Variants in CTCF observed in about 807,000 individuals in gnomAD.
The protein encoded by CTCF is transcriptional repressor CTCF.
Under a neutral mutation model 72.3 loss-of-function variants are expected in CTCF, and 7 were observed. That is an observed-to-expected ratio of 0.10 (90% CI 0.06 to 0.18). The LOEUF (loss-of-function observed/expected upper bound fraction) is 0.18, where lower values mean the gene tolerates loss of function less well. Among genes scored for constraint, CTCF ranks in the 10% least tolerant of loss-of-function variants. The pLI is 1.00. For missense variants in CTCF, 516 were observed against 949.1 expected (o/e 0.54, Z 6.00); for synonymous variants, 374 against 315.8 (o/e 1.18, Z -1.95).
chr16:67,609,616 T>G (rs1241104143), intron 2 of CTCF, among the ~76,000 whole-genome samples: 1 of 151,628 alleles, frequency 6.6e-6, no homozygotes, highest in Admixed American at 6.6e-5. Context: ...ATCTTGGGCC[T>G]GATAATTCTT....
chr16:67,604,457 C>T (rs2051942377), intron 2 of CTCF, among the ~76,000 whole-genome samples: 1 of 152,154 alleles, frequency 6.6e-6, no homozygotes, highest in African/African-American at 2.4e-5. Flanking sequence ...ATTCTCCTGC[C>T]TCAGCCTCCC....
chr16:67,573,646 CCTTA>C (rs2142721777), intron 2 of CTCF, among the ~76,000 whole-genome samples: 1 of 152,210 alleles, frequency 6.6e-6, no homozygotes, highest in South Asian at 2.1e-4. Flanking sequence ...CTATCCTGCT[CCTTA>C]CTTTGTCCTT....
chr16:67,630,219 A>G lies in CTCF; in HGVS notation c.1837+686A>G, dbSNP rs577408654. Among the ~76,000 whole-genome samples the G allele has an allele frequency of 2.0e-5, 3 of 152,304 alleles. No individual in the cohort carries two copies. The East Asian group carries it at 5.8e-4, about 29-fold the overall frequency. ...TACATTTAGGAAGCTGGTCTAGATA[A>G]GAGCAGTGAATCTAATGGACATGAA... On this transcript the variant is annotated intron_variant, in intron 10 of 11. Transcript: ENST00000264010.
chr16:67,601,111 T>G (rs1190605492), intron 2 of CTCF, among the ~76,000 whole-genome samples: 1 of 151,910 alleles, frequency 6.6e-6, no homozygotes, highest in African/African-American at 2.4e-5. Flanking sequence ...GTGGGGAGAA[T>G]GACCTGGTCC....
intron 1 of CTCF, chr16:67,563,287 G>A (rs971505971): frequency 1.3e-5 from 2 of 152,296 alleles, no homozygotes; most frequent in East Asian, 3.9e-4. Context: ...CCCGTCCCCG[G>A]AACCTACCCT....
At chr16:67,631,172 G>GTTTTTTTTTTTTTTTTTTTTT (rs367618037) in intron 10 of CTCF, among the ~76,000 whole-genome samples, 2 of 121,436 alleles carry the variant, frequency 1.6e-5, no homozygotes, top group African/African-American at 3.3e-5. Context: ...TTTGTTTTTT[G>GTTTTTTTTTTTTTTTTTTTTT]TTTTTTTTTT....
intron 2 of CTCF, among the ~76,000 whole-genome samples, chr16:67,588,940 C>T (rs2142759506): frequency 6.6e-6 from 1 of 152,204 alleles, no homozygotes; most frequent in South Asian, 2.1e-4. Context: ...ATCCACCCGC[C>T]TTGGCCTCCC....
intron 2 of CTCF, among the ~76,000 whole-genome samples, chr16:67,576,009 A>AT (rs1192088401): frequency 6.6e-6 from 1 of 150,758 alleles, no homozygotes. Flanking sequence ...AAAAAAAAAA[A>AT]ATGTAGCCAG....
intron 2 of CTCF, among the ~76,000 whole-genome samples, chr16:67,584,320 CAA>C (rs1403823144): frequency 1.9e-5 from 2 of 104,888 alleles, no homozygotes; most frequent in African/African-American, 3.7e-5. Flanking sequence ...AACTCCTTCT[CAA>C]AAAAAAAAAG....
Position 67,562,906 on chromosome 16 carries a change from G to GC in CTCF, c.-127+190dup, listed in dbSNP as rs1325505246. Among the ~76,000 whole-genome samples the GC allele has an allele frequency of 4.0e-4, 24 of 60,422 alleles. No homozygotes were observed. In the East Asian group the frequency reaches 4.9e-3, roughly 12 times the overall value. 39.6% of individuals were successfully genotyped at this position (60,422 alleles called of 152,430 possible). On this transcript the variant is annotated intron_variant, in intron 1 of 11. Coordinates refer to ENST00000264010, the MANE Select transcript of CTCF (RefSeq NM_006565.4). ...TGCCCGTCGCCGCCGTGGCCCGGCC[G>GC]CCCCCCCCACCCCCACGCCCGCCCG...
At chr16:67,626,292 A>C (rs2052286311) in intron 7 of CTCF, among the ~76,000 whole-genome samples, 1 of 151,670 alleles carries the variant, frequency 6.6e-6, no homozygotes, top group African/African-American at 2.4e-5. Context: ...ACAAAAATAA[A>C]AAATAAAAAA....
intron 2 of CTCF, among the ~76,000 whole-genome samples, chr16:67,603,395 T>TG (rs2142797166): frequency 6.7e-6 from 1 of 148,788 alleles, no homozygotes; most frequent in South Asian, 2.1e-4. Flanking sequence ...TAGCTGGGAG[T>TG]GCTGGTGGGT....
At chr16:67,595,221 C>G (rs941704026) in intron 2 of CTCF, among the ~76,000 whole-genome samples, 1 of 152,190 alleles carries the variant, frequency 6.6e-6, no homozygotes, top group Non-Finnish European at 1.5e-5. Context: ...CACCCTCCCC[C>G]ACCCTTCCTT....
intron 2 of CTCF, among the ~76,000 whole-genome samples, chr16:67,574,745 G>T (rs1363978949): frequency 7.4e-6 from 1 of 134,952 alleles, no homozygotes; most frequent in African/African-American, 2.8e-5. Flanking sequence ...TGCAAGCTCC[G>T]CATCCCAGGT....
chr16:67,634,356 C>T (rs1157708490), intron 10 of CTCF, among the ~76,000 whole-genome samples: 2 of 151,500 alleles, frequency 1.3e-5, no homozygotes, highest in South Asian at 2.1e-4. Flanking sequence ...TACAGGTGCC[C>T]GCCATCACAG....
Position 67,580,584 on chromosome 16 carries a change from G to A in CTCF, c.-10+9320G>A, listed in dbSNP as rs912192304. 4.6e-5 allele frequency among the ~76,000 whole-genome samples: 7 copies of A among 151,058 alleles called. No homozygotes were observed. In the East Asian group the frequency reaches 5.8e-4, roughly 13 times the overall value. On this transcript the variant is annotated intron_variant, in intron 2 of 11. Transcript: ENST00000264010. ...TTTATTTATTTATTATTTTTGAGACGAAGTCTCGCTCTTGTCCACCAGGCT... is the reference window on the plus strand; with the variant it reads ...TTTATTTATTTATTATTTTTGAGACAAAGTCTCGCTCTTGTCCACCAGGCT...
intron 2 of CTCF, among the ~76,000 whole-genome samples, chr16:67,610,342 T>C (rs927426993): frequency 4.0e-5 from 6 of 150,048 alleles, no homozygotes; most frequent in African/African-American, 9.9e-5. Flanking sequence ...TAGTGGTTTT[T>C]TCTTTTTCTT....
chr16:67,619,838 C>T (rs2052179428), intron 5 of CTCF, among the ~76,000 whole-genome samples: 1 of 152,172 alleles, frequency 6.6e-6, no homozygotes, highest in Non-Finnish European at 1.5e-5. Flanking sequence ...ACGCCTTGGG[C>T]CTGCCAAAGT....
intron 2 of CTCF, among the ~76,000 whole-genome samples, chr16:67,608,082 T>A (rs902329448): frequency 6.7e-6 from 1 of 150,038 alleles, no homozygotes; most frequent in Non-Finnish European, 1.5e-5. Flanking sequence ...CCCAGCACTT[T>A]GGGAGGCCGA....
Sources: allele counts gnomAD v4.1 joint callset (sites outside exome capture counted in the v4.1 genomes callset), GRCh38; gene constraint gnomAD v4.1.1; transcripts MANE v1.5; gene names NCBI Gene and HGNC (gene_info 2026-07-23, HGNC 2026-07-21).